PLCH1: variants seen among roughly 807,000 people sequenced by gnomAD.
PLCH1 encodes 1-phosphatidylinositol 4,5-bisphosphate phosphodiesterase eta-1.
Under a neutral mutation model 126.7 loss-of-function variants are expected in PLCH1, and 60 were observed. The ratio of observed to expected loss-of-function variants is 0.47; its 90% CI spans 0.38 to 0.59. PLCH1 has a LOEUF of 0.59. Among genes scored for constraint, PLCH1 ranks in the 20% least tolerant of loss-of-function variants. The pLI, the probability that PLCH1 is intolerant of heterozygous loss-of-function variation, is 0.00. For missense variants in PLCH1, 1,723 were observed against 2,040.0 expected (o/e 0.84, Z 2.99); for synonymous variants, 719 against 734.9 (o/e 0.98, Z 0.35).
intron 2 of PLCH1, chr3:155,675,872 TA>T (rs2109000203): frequency 1.8e-6 from 1 of 567,322 alleles, no homozygotes; most frequent in Non-Finnish European, 3.0e-6. Flanking sequence ...TACTGAAATA[TA>T]ATAAATATGT....
intron 1 of PLCH1, 106 bp from the exon 2 acceptor site, chr3:155,704,370 C>G (rs566387795): frequency 1.0e-5 from 4 of 396,808 alleles, no homozygotes; most frequent in Non-Finnish European, 1.8e-5. Flanking sequence ...GCAACATATA[C>G]GGCATACAAC....
chr3:155,492,824 G>A lies in PLCH1; in HGVS notation c.2212C>T (p.Leu738Phe), dbSNP rs1206008728. ...AGCTGCTTTTTGGGGTTGGCAGGAA[G>A]AGGGTCACCAGAGAAAGGGTTGAAA... ...GTFNPFSGDPLPANPKKQLIL... is the reference protein window; with the variant it reads ...GTFNPFSGDPFPANPKKQLIL... The change falls in exon 18 of 23, where the codon CTT (leucine) becomes TTT (phenylalanine). Residue 738 changes from leucine to phenylalanine, a missense_variant. Around this residue, in one of 2 missense-constraint regions of PLCH1, gnomAD observed 776 missense variants for 1,062.9 expected, o/e 0.73. Transcript: ENST00000460012. 1 of 1,604,016 alleles carries A rather than the reference G, an allele frequency of 6.2e-7. No homozygotes were observed.
intron 10 of PLCH1, among the ~76,000 whole-genome samples, chr3:155,530,626 C>T (rs1279170249): frequency 6.6e-6 from 1 of 152,200 alleles, no homozygotes; most frequent in Non-Finnish European, 1.5e-5. Flanking sequence ...TCTACAGTGA[C>T]TTTCTCCACT....
intron 2 of PLCH1, among the ~76,000 whole-genome samples, chr3:155,635,725 G>A (rs1369077218): frequency 6.6e-6 from 1 of 152,170 alleles, no homozygotes; most frequent in Admixed American, 6.5e-5. Context: ...TTGCGGTAGA[G>A]CATTGCATGG....
At chr3:155,458,355 A>AAAG in intron 21 of PLCH1, among the ~76,000 whole-genome samples, 1 of 139,592 alleles carries the variant, frequency 7.2e-6, no homozygotes, top group African/African-American at 2.8e-5. Flanking sequence ...AAAAAAAAAA[A>AAAG]AAAGAAAGAA....
At chr3:155,585,168 C>A (rs537353903) in intron 5 of PLCH1, among the ~76,000 whole-genome samples, 56 of 152,254 alleles carry the variant, frequency 3.7e-4, no homozygotes, top group Non-Finnish European at 6.3e-4. Flanking sequence ...AAGAACAGGG[C>A]CACCCTTAAA....
At chr3:155,600,168 C>T (rs959164214) in intron 2 of PLCH1, among the ~76,000 whole-genome samples, 2 of 152,158 alleles carry the variant, frequency 1.3e-5, no homozygotes, top group Non-Finnish European at 2.9e-5. Context: ...CTTGTAATTA[C>T]AAAGCTAACC....
chr3:155,707,417 A>G (rs888238844), intron 1 of PLCH1, among the ~76,000 whole-genome samples: 1 of 152,210 alleles, frequency 6.6e-6, no homozygotes, highest in Admixed American at 6.5e-5. Flanking sequence ...GGCCGGGCAC[A>G]GTGGCTCACG....
intron 13 of PLCH1, among the ~76,000 whole-genome samples, 153 bp from the exon 14 acceptor site, chr3:155,500,947 T>A (rs930238841): frequency 3.9e-5 from 6 of 152,176 alleles, no homozygotes; most frequent in African/African-American, 1.4e-4. Flanking sequence ...TCAGCATTAA[T>A]AACAAGCCTA....
chr3:155,533,949 T>C (rs1723013508), intron 10 of PLCH1, among the ~76,000 whole-genome samples: 1 of 152,168 alleles, frequency 6.6e-6, no homozygotes, highest in Admixed American at 6.5e-5. Context: ...TCTGCCTAGA[T>C]TTCAAAGGAT....
At chr3:155,494,909 C>T (rs1026682737) in intron 15 of PLCH1, among the ~76,000 whole-genome samples, 2 of 152,114 alleles carry the variant, frequency 1.3e-5, no homozygotes, top group African/African-American at 4.8e-5. Flanking sequence ...AACTAGATAG[C>T]TTCTTCCTGA....
intron 11 of PLCH1, 141 bp downstream of exon 11, chr3:155,523,753 CCAG>C (rs1576904656): frequency 3.6e-6 from 2 of 553,820 alleles, no homozygotes; most frequent in East Asian, 6.4e-5. Context: ...TGTCTATGTG[CCAG>C]CAAATAAAGT....
intron 2 of PLCH1, among the ~76,000 whole-genome samples, chr3:155,607,385 A>T (rs896684620): frequency 3.3e-5 from 5 of 152,208 alleles, no homozygotes; most frequent in Non-Finnish European, 5.9e-5. Flanking sequence ...AAAAAAATAA[A>T]AAAACATGAA....
intron 2 of PLCH1, among the ~76,000 whole-genome samples, chr3:155,695,770 G>C (rs543989054): frequency 3.8e-4 from 58 of 152,350 alleles, no homozygotes; most frequent in African/African-American, 1.3e-3. Flanking sequence ...GACCTGGTCT[G>C]AGTAGTCAGA....
At chr3:155,553,064 G>GCTCCCCA (rs1576995220) in intron 9 of PLCH1, among the ~76,000 whole-genome samples, 4 of 152,222 alleles carry the variant, frequency 2.6e-5, no homozygotes. Context: ...CACTGTTGTG[G>GCTCCCCA]CTCCCCACAC....
chr3:155,581,898 T>C (rs887598230), intron 6 of PLCH1, among the ~76,000 whole-genome samples: 8 of 151,366 alleles, frequency 5.3e-5, no homozygotes, highest in Admixed American at 2.0e-4. Flanking sequence ...TATAGGCATG[T>C]GCCACCACAC....
At chr3:155,655,440 A>G (rs75150272) in intron 2 of PLCH1, among the ~76,000 whole-genome samples, 2 of 151,150 alleles carry the variant, frequency 1.3e-5, no homozygotes, top group Admixed American at 6.6e-5. Context: ...AGAAAAAAAA[A>G]AAGAAGAAGA....
chr3:155,539,849 A>C (rs1368525843), intron 10 of PLCH1, among the ~76,000 whole-genome samples: 1 of 152,158 alleles, frequency 6.6e-6, no homozygotes, highest in African/African-American at 2.4e-5. Flanking sequence ...AATCCCTATC[A>C]AAATACCATC....
intron 2 of PLCH1, among the ~76,000 whole-genome samples, chr3:155,644,689 G>T (rs541313404): frequency 2.6e-5 from 4 of 152,074 alleles, no homozygotes; most frequent in Non-Finnish European, 5.9e-5. Context: ...TGAAGGAGAA[G>T]GATAAGAATT....
Sources: gnomAD v4.1 joint callset for allele counts (sites outside exome capture counted in the v4.1 genomes callset) on GRCh38, gnomAD v4.1.1 for gene constraint, gnomAD v4.1.1 regional missense constraint, MANE v1.5 for transcripts, NCBI Gene and HGNC (gene_info 2026-07-23, HGNC 2026-07-21) for gene names.